SLC25A31: variants seen among roughly 807,000 people sequenced by gnomAD.
The protein encoded by SLC25A31 is solute carrier family 25 member 31.
SLC25A31 carries 40 observed loss-of-function variants against 36.2 expected under a neutral mutation model. The observed-to-expected ratio is 1.10, with a 90% CI of 0.86 to 1.44. The LOEUF is 1.44. SLC25A31 is among the 40% of genes most tolerant of loss of function. The pLI, the probability that SLC25A31 is intolerant of heterozygous loss-of-function variation, is 0.00. For synonymous variants in SLC25A31, 143 were observed against 149.7 expected, an observed-to-expected ratio of 0.96 and a Z score of 0.32; for missense variants, 350 against 397.1, an observed-to-expected ratio of 0.88 and a Z score of 1.01.
chr4:127,745,784 T>A (rs1221372073), intron 2 of SLC25A31, among the ~76,000 whole-genome samples: 1 of 152,150 alleles, frequency 6.6e-6, no homozygotes, highest in African/African-American at 2.4e-5. Flanking sequence ...TAGATTTGGA[T>A]CTTATTTAGC....
At chr4:127,734,753 G>A (rs1731592659) in intron 1 of SLC25A31, among the ~76,000 whole-genome samples, 1 of 151,678 alleles carries the variant, frequency 6.6e-6, no homozygotes, top group East Asian at 1.9e-4. Flanking sequence ...TGCTATTTTG[G>A]GGTATGGGAA....
chr4:127,744,661 T>C lies in SLC25A31; in HGVS notation c.233-11T>C. 1 of 1,584,698 alleles carries C rather than the reference T, an allele frequency of 6.3e-7. No homozygotes were observed. ...ATGTAGGTTTATGTATTTATATGTT[T>C]CCCTCTGTAGGTTTCTTCAGTTTTT... On this transcript the variant is annotated splice_polypyrimidine_tract_variant and intron_variant, in intron 1 of 5. Coordinates refer to ENST00000281154, the MANE Select transcript of SLC25A31 (RefSeq NM_031291.4).
intron 2 of SLC25A31, among the ~76,000 whole-genome samples, chr4:127,763,791 G>A (rs894024396): frequency 1.3e-5 from 2 of 152,112 alleles, no homozygotes; most frequent in African/African-American, 4.8e-5. Flanking sequence ...AAAAGTAATT[G>A]CAGTTTTTTG....
chr4:127,767,346 C>A, intron 4 of SLC25A31, 126 bp downstream of exon 4: 1 of 921,520 alleles, frequency 1.1e-6, no homozygotes, highest in Non-Finnish European at 1.5e-6. Context: ...AAAAGAGAGA[C>A]ATGAAATTCT....
chr4:127,755,859 T>G (rs1025058249), intron 2 of SLC25A31, among the ~76,000 whole-genome samples: 1 of 151,920 alleles, frequency 6.6e-6, no homozygotes, highest in African/African-American at 2.4e-5. Flanking sequence ...ATGGTGAAAC[T>G]CCATCTCTAC....
rs1185270356 is a variant in SLC25A31, at chr4:127,730,433, C to A, written c.-113C>A. The stretch of plus-strand genomic sequence containing the variant: ...GCGGCTCTCTCAGCGTCCCAAGAGC[C>A]ACTTTCTCGCCAGTACGATGCTGCA... On this transcript the variant is annotated 5_prime_UTR_variant, in exon 1 of 6. Coordinates refer to ENST00000281154, the MANE Select transcript of SLC25A31 (RefSeq NM_031291.4). 2.6e-6 allele frequency: 3 copies of A among 1,171,016 alleles called. No homozygotes were observed. Among genetic ancestry groups the A allele is most frequent in the South Asian group, 1.5e-5 (1 of 65,658 alleles). The allele number at this position is 1,171,016 out of a possible 1,614,324, so 72.5% of individuals were successfully genotyped here. A position where few individuals can be genotyped will look rare whatever the true frequency, so the allele number is the denominator to read the frequency against.
intron 1 of SLC25A31, among the ~76,000 whole-genome samples, chr4:127,742,482 A>G (rs1043288840): frequency 6.6e-6 from 1 of 152,148 alleles, no homozygotes; most frequent in Non-Finnish European, 1.5e-5. Flanking sequence ...CTTTTCTGCT[A>G]TATAAACTCC....
At chr4:127,735,576 C>T (rs1414228961) in intron 1 of SLC25A31, among the ~76,000 whole-genome samples, 4 of 152,030 alleles carry the variant, frequency 2.6e-5, no homozygotes, top group Non-Finnish European at 1.5e-5. Flanking sequence ...CTAGTGCTGT[C>T]CCCAGTAGGC....
chr4:127,772,495 T>C (rs982933239), intron 5 of SLC25A31, among the ~76,000 whole-genome samples: 1 of 152,172 alleles, frequency 6.6e-6, no homozygotes, highest in Non-Finnish European at 1.5e-5. Context: ...TTCAAAGACC[T>C]AACTGGACTT....
intron 5 of SLC25A31, among the ~76,000 whole-genome samples, chr4:127,771,354 A>G (rs1732357410): frequency 6.6e-6 from 1 of 152,180 alleles, no homozygotes; most frequent in Admixed American, 6.5e-5. Flanking sequence ...CTCCAAATAC[A>G]GTCACATTCT....
chr4:127,762,237 T>C lies in SLC25A31; in HGVS notation c.361-2006T>C, dbSNP rs1279708774. Among the ~76,000 whole-genome samples the C allele has an allele frequency of 2.6e-5, 4 of 152,306 alleles. No homozygotes were observed. In the East Asian group the frequency reaches 7.7e-4, roughly 29 times the overall value. ...AGATAATGTTCATAAAATAGAATAT[T>C]ATTTGGCAATAAAAAGGAATGAAGT... On this transcript the variant is annotated intron_variant, in intron 2 of 5. Coordinates refer to ENST00000281154, the MANE Select transcript of SLC25A31 (RefSeq NM_031291.4).
intron 1 of SLC25A31, among the ~76,000 whole-genome samples, chr4:127,731,991 A>T (rs1195294762): frequency 6.6e-6 from 1 of 152,104 alleles, no homozygotes; most frequent in Non-Finnish European, 1.5e-5. Flanking sequence ...GATTTTTTCT[A>T]TTAATATTGG....
intron 2 of SLC25A31, among the ~76,000 whole-genome samples, chr4:127,751,665 T>C (rs1396675658): frequency 1.3e-5 from 2 of 151,968 alleles, no homozygotes; most frequent in African/African-American, 4.8e-5. Context: ...AGTTTTGCAA[T>C]CTACTCATCT....
intron 1 of SLC25A31, among the ~76,000 whole-genome samples, chr4:127,742,385 G>A (rs1319549797): frequency 6.6e-6 from 1 of 152,144 alleles, no homozygotes; most frequent in African/African-American, 2.4e-5. Context: ...CCCTTCGCCT[G>A]TCATGACTGC....
chr4:127,753,092 T>C (rs996179514), intron 2 of SLC25A31, among the ~76,000 whole-genome samples: 1 of 152,116 alleles, frequency 6.6e-6, no homozygotes, highest in Non-Finnish European at 1.5e-5. Flanking sequence ...TTAAACAACA[T>C]GCTTCTGAAC....
intron 5 of SLC25A31, 119 bp from the exon 6 acceptor site, chr4:127,773,267 T>C (rs1732400223): frequency 8.1e-6 from 7 of 862,566 alleles, no homozygotes; most frequent in Non-Finnish European, 1.2e-5. Flanking sequence ...CATATATGCC[T>C]ATTAACACAG....
At chr4:127,733,290 A>T (rs913890234) in intron 1 of SLC25A31, among the ~76,000 whole-genome samples, 1 of 152,190 alleles carries the variant, frequency 6.6e-6, no homozygotes, top group African/African-American at 2.4e-5. Flanking sequence ...AAAGCTTGGG[A>T]CCAAAAGTTG....
At chr4:127,753,997 A>G (rs959670478) in intron 2 of SLC25A31, among the ~76,000 whole-genome samples, 2 of 152,322 alleles carry the variant, frequency 1.3e-5, no homozygotes, top group African/African-American at 4.8e-5. Flanking sequence ...CTGAGAAATA[A>G]GGATAGTTCA....
At position 127,730,708 on chromosome 4, in the gene SLC25A31, A is replaced by T. The variant is rs1374884750; in HGVS notation, c.163A>T (p.Lys55Ter). 2.5e-6 allele frequency: 4 copies of T among 1,613,710 alleles called. No individual in the cohort carries two copies. Among genetic ancestry groups the T allele is most frequent in the Non-Finnish European group, 3.4e-6 (4 of 1,179,940 alleles). Residue 55 changes from lysine to a stop codon, truncating the protein, a stop_gained, in exon 1 of 6, where the codon AAG (lysine) becomes TAG (stop). Coordinates refer to ENST00000281154, the MANE Select transcript of SLC25A31 (RefSeq NM_031291.4). LOFTEE classifies it high-confidence loss of function. ...KLLLQVQASS[K>*]QISPEARYKG... ...GCTGCTGCAGGTGCAGGCGTCGTCGAAGCAGATCAGCCCCGAGGCGCGGTA... is the reference window on the plus strand; with the variant it reads ...GCTGCTGCAGGTGCAGGCGTCGTCGTAGCAGATCAGCCCCGAGGCGCGGTA...
Sources: allele counts gnomAD v4.1 joint callset (sites outside exome capture counted in the v4.1 genomes callset), GRCh38; gene constraint gnomAD v4.1.1; transcripts MANE v1.5; gene names NCBI Gene and HGNC (gene_info 2026-07-23, HGNC 2026-07-21).